Variants in CSMD1 observed in about 807,000 individuals in gnomAD.
CSMD1 encodes CUB and sushi domain-containing protein 1.
Under a neutral mutation model 417.5 loss-of-function variants are expected in CSMD1, and 213 were observed. The observed-to-expected ratio is 0.51, with a 90% CI of 0.46 to 0.57. The LOEUF (loss-of-function observed/expected upper bound fraction) is 0.57, where lower values mean the gene tolerates loss of function less well. CSMD1 is among the 20% of genes least tolerant of loss of function. The pLI is 0.00. For missense variants in CSMD1, 6,923 were observed against 4,529.7 expected (o/e 1.53, Z -15.17); for synonymous variants, 2,862 against 1,736.8 (o/e 1.65, Z -16.11).
At chr8:3,720,408 A>C (rs1802084837) in intron 6 of CSMD1, among the ~76,000 whole-genome samples, 2 of 152,338 alleles carry the variant, frequency 1.3e-5, no homozygotes, top group South Asian at 4.1e-4. Flanking sequence ...GTCCAGGCAC[A>C]ACAACCTCAC....
At chr8:3,002,508 C>A (rs577717967) in intron 52 of CSMD1, among the ~76,000 whole-genome samples, 76 of 152,300 alleles carry the variant, frequency 5.0e-4, no homozygotes, top group African/African-American at 1.8e-3. Context: ...GGAATTACTT[C>A]TGAAGCCTGG....
At position 4,622,964 on chromosome 8, in the gene CSMD1, A is replaced by G. The variant is rs1563343226; in HGVS notation, c.302+14378T>C. The stretch of plus-strand genomic sequence containing the variant: ...AAATCAGTTAAATTCAAAGTTTTTT[A>G]TATGTCACATGAAATCAGGAAACAC... On this transcript the variant is annotated intron_variant, in intron 2 of 69. Coordinates refer to ENST00000635120, the MANE Select transcript of CSMD1 (RefSeq NM_033225.6). Among the ~76,000 whole-genome samples, 8 of 152,310 alleles carry G rather than the reference A, an allele frequency of 5.3e-5. No homozygotes were observed. The South Asian group carries it at 1.4e-3, about 28-fold the overall frequency.
chr8:4,258,373 GGGAA>G (rs1421588801), intron 3 of CSMD1, among the ~76,000 whole-genome samples: 2 of 18,630 alleles, frequency 1.1e-4, no homozygotes, highest in Admixed American at 1.2e-3. Flanking sequence ...GAAGGAGGGA[GGGAA>G]GGAGGGAGGG....
At chr8:3,987,660 C>A (rs13280880) in intron 5 of CSMD1, among the ~76,000 whole-genome samples, 1 of 151,972 alleles carries the variant, frequency 6.6e-6, no homozygotes, top group African/African-American at 2.4e-5. Context: ...GCAGAAGAGA[C>A]AGTTCCCAGA....
At chr8:4,869,884 G>T (rs1047319249) in intron 1 of CSMD1, among the ~76,000 whole-genome samples, 1 of 151,834 alleles carries the variant, frequency 6.6e-6, no homozygotes, top group African/African-American at 2.4e-5. Flanking sequence ...ATGAAAAGAA[G>T]TTAATGTTAG....
intron 10 of CSMD1, among the ~76,000 whole-genome samples, chr8:3,532,164 C>G (rs1798009251): frequency 6.6e-6 from 1 of 152,122 alleles, no homozygotes; most frequent in African/African-American, 2.4e-5. Flanking sequence ...CTTTGTTTCT[C>G]CTATGAAATT....
chr8:3,607,954 G>C (rs1263821230), intron 8 of CSMD1, among the ~76,000 whole-genome samples: 5 of 152,082 alleles, frequency 3.3e-5, no homozygotes, highest in East Asian at 1.9e-4. Flanking sequence ...CGGATCACTT[G>C]AGGTCAGGAG....
rs1039383187 is a variant in CSMD1, at chr8:4,812,827, T to C, written c.86-175269A>G. ...GGAAAACACATTTCTAATACTCCACTTTTCATAGGGAATCTATTGTTATTG... is the reference window on the plus strand; with the variant it reads ...GGAAAACACATTTCTAATACTCCACCTTTCATAGGGAATCTATTGTTATTG... On this transcript the variant is annotated intron_variant, in intron 1 of 69. Coordinates refer to ENST00000635120, the MANE Select transcript of CSMD1 (RefSeq NM_033225.6). Among the ~76,000 whole-genome samples, 33 of 152,208 alleles carry C rather than the reference T, an allele frequency of 2.2e-4. 1 individual carries two copies. Among genetic ancestry groups the C allele is most frequent in the Non-Finnish European group, 1.0e-4 (7 of 68,032 alleles).
At chr8:3,441,109 G>A (rs867404372) in intron 12 of CSMD1, among the ~76,000 whole-genome samples, 2 of 152,120 alleles carry the variant, frequency 1.3e-5, no homozygotes, top group Non-Finnish European at 2.9e-5. Context: ...TGAAGACAGA[G>A]GTAGGAGTTC....
At chr8:4,296,983 G>A (rs1350680778) in intron 3 of CSMD1, among the ~76,000 whole-genome samples, 1 of 152,056 alleles carries the variant, frequency 6.6e-6, no homozygotes, top group Non-Finnish European at 1.5e-5. Flanking sequence ...TGACAATAGT[G>A]CAAAGAAGTA....
chr8:4,534,144 T>C (rs1363419336), intron 2 of CSMD1, among the ~76,000 whole-genome samples: 2 of 152,196 alleles, frequency 1.3e-5, no homozygotes, highest in African/African-American at 2.4e-5. Flanking sequence ...GTCAGAACTT[T>C]TGAGCTGATA....
intron 5 of CSMD1, among the ~76,000 whole-genome samples, chr8:3,953,968 C>G (rs985408024): frequency 2.6e-5 from 4 of 152,198 alleles, no homozygotes. Flanking sequence ...TGGGAGCGCA[C>G]AGGAGCCCTT....
intron 3 of CSMD1, among the ~76,000 whole-genome samples, chr8:4,311,556 C>T (rs959988598): frequency 6.6e-6 from 1 of 151,890 alleles, no homozygotes; most frequent in Non-Finnish European, 1.5e-5. Flanking sequence ...AACCCTGTCT[C>T]TACTAAAAAT....
Position 4,824,100 on chromosome 8 carries a change from AC to A in CSMD1, c.85+170231del, listed in dbSNP as rs1799676682. On this transcript the variant is annotated intron_variant, in intron 1 of 69. Coordinates refer to ENST00000635120, the MANE Select transcript of CSMD1 (RefSeq NM_033225.6). ...TAAATATCCACACACACACACACAC[AC>A]ACACACACACTCTCCCTCTCACACG... is the stretch of plus-strand genomic sequence containing the variant. 6.6e-5 allele frequency among the ~76,000 whole-genome samples: 10 copies of A among 151,812 alleles called. No individual in the cohort carries two copies. In the South Asian group the frequency reaches 1.9e-3, roughly 28 times the overall value.
chr8:4,982,628 G>A (rs1186942115), intron 1 of CSMD1, among the ~76,000 whole-genome samples: 1 of 152,146 alleles, frequency 6.6e-6, no homozygotes, highest in East Asian at 1.9e-4. Flanking sequence ...AGAAATGATA[G>A]TCACTTCAAC....
At chr8:3,800,418 G>C (rs2062075) in intron 5 of CSMD1, among the ~76,000 whole-genome samples, 3,730 of 152,236 alleles carry the variant, frequency 0.025, 168 homozygotes, top group African/African-American at 0.083. Context: ...CACCTGTGAA[G>C]TGCTTGAGAA....
At chr8:4,478,587 T>A (rs909612512) in intron 2 of CSMD1, among the ~76,000 whole-genome samples, 3 of 152,178 alleles carry the variant, frequency 2.0e-5, no homozygotes, top group African/African-American at 7.2e-5. Context: ...ACATTAATAA[T>A]GAAGCAAAAG....
chr8:3,523,964 T>A (rs1372060093), intron 10 of CSMD1, among the ~76,000 whole-genome samples: 1 of 115,638 alleles, frequency 8.6e-6, no homozygotes, highest in South Asian at 3.0e-4. Flanking sequence ...CATGCACACT[T>A]ACACATGCAC....
intron 57 of CSMD1, among the ~76,000 whole-genome samples, chr8:2,969,067 A>C (rs1175438753): frequency 2.6e-5 from 4 of 152,152 alleles, no homozygotes; most frequent in African/African-American, 4.8e-5. Flanking sequence ...ATGCAAGTTA[A>C]ATAAACCTGA....
Sources: gnomAD v4.1 joint callset for allele counts (sites outside exome capture counted in the v4.1 genomes callset) on GRCh38, gnomAD v4.1.1 for gene constraint, MANE v1.5 for transcripts, NCBI Gene and HGNC (gene_info 2026-07-23, HGNC 2026-07-21) for gene names.